GALNT13: variants seen among roughly 807,000 people sequenced by gnomAD.
GALNT13 encodes the protein UDP-GalNAc:polypeptide N-acetylgalactosaminyltransferase 13.
Under a neutral mutation model 64.2 loss-of-function variants are expected in GALNT13, and 28 were observed. That is an observed-to-expected ratio of 0.44 (90% CI 0.32 to 0.60). GALNT13 has a LOEUF of 0.60. Ranked by LOEUF, GALNT13 falls within the 20% of genes least tolerant of loss-of-function variation. The pLI is 0.05. For synonymous variants in GALNT13, 214 were observed against 224.6 expected (o/e 0.95, Z 0.42); for missense variants, 577 against 669.8 (o/e 0.86, Z 1.53).
chr2:153,135,374 C>A, the GALNT13 span, among the ~76,000 whole-genome samples: 2 of 152,072 alleles, frequency 1.3e-5, no homozygotes, highest in African/African-American at 4.8e-5. Flanking sequence ...TGCGAATGAC[C>A]AGGAATAACC....
At chr2:153,085,164 T>C in the GALNT13 span, among the ~76,000 whole-genome samples, 2 of 152,036 alleles carry the variant, frequency 1.3e-5, no homozygotes, top group African/African-American at 4.8e-5. Flanking sequence ...TGATTTAGGG[T>C]ATCTGGAGGA....
chr2:154,421,243 T>C (rs1275820951), intron 11 of GALNT13, among the ~76,000 whole-genome samples: 1 of 152,116 alleles, frequency 6.6e-6, no homozygotes, highest in African/African-American at 2.4e-5. Flanking sequence ...TTATATTCTG[T>C]ATAAGATTTT....
chr2:154,355,981 C>T (rs747280404), intron 9 of GALNT13, among the ~76,000 whole-genome samples: 3 of 151,966 alleles, frequency 2.0e-5, no homozygotes, highest in African/African-American at 4.8e-5. Context: ...GAAAAGTTGT[C>T]ATCAGGTTCT....
chr2:154,100,670 G>A (rs553229683), intron 3 of GALNT13, among the ~76,000 whole-genome samples: 6 of 152,062 alleles, frequency 3.9e-5, no homozygotes, highest in East Asian at 1.9e-4. Context: ...TTCACTTGCC[G>A]TTTTCCAATA....
At chr2:153,693,116 ACT>A in the GALNT13 span, among the ~76,000 whole-genome samples, 19 of 152,132 alleles carry the variant, frequency 1.2e-4, no homozygotes, top group Non-Finnish European at 2.1e-4. Context: ...GAAAGAAAAG[ACT>A]CTGAAGCTGG....
the GALNT13 span, among the ~76,000 whole-genome samples, chr2:153,524,756 G>A: frequency 6.6e-6 from 1 of 152,172 alleles, no homozygotes; most frequent in Non-Finnish European, 1.5e-5. Context: ...GTTCCTACAA[G>A]CCTGATCACC....
At chr2:153,925,207 T>C (rs1307272917) in intron 2 of GALNT13, among the ~76,000 whole-genome samples, 1 of 152,176 alleles carries the variant, frequency 6.6e-6, no homozygotes, top group Non-Finnish European at 1.5e-5. Context: ...ACATATTTAA[T>C]CCATCTTGAG....
the GALNT13 span, among the ~76,000 whole-genome samples, chr2:153,302,096 C>A: frequency 6.6e-6 from 1 of 151,978 alleles, no homozygotes; most frequent in African/African-American, 2.4e-5. Context: ...ATGGTAGTTA[C>A]GTTATACTTT....
chr2:153,151,265 T>G, the GALNT13 span, among the ~76,000 whole-genome samples: 1 of 151,972 alleles, frequency 6.6e-6, no homozygotes, highest in African/African-American at 2.4e-5. Context: ...GAAATGCAAA[T>G]CAAAACCACA....
the GALNT13 span, among the ~76,000 whole-genome samples, chr2:153,436,802 C>T: frequency 2.0e-5 from 3 of 151,914 alleles, no homozygotes; most frequent in Non-Finnish European, 4.4e-5. Context: ...ATTTTTTGAA[C>T]GGTTTTTCAT....
the GALNT13 span, among the ~76,000 whole-genome samples, chr2:153,660,567 T>C: frequency 6.7e-6 from 1 of 149,084 alleles, no homozygotes; most frequent in African/African-American, 2.4e-5. Context: ...TTATAATATA[T>C]AATATTATGG....
At chr2:153,981,507 G>A (rs1264596360) in intron 3 of GALNT13, among the ~76,000 whole-genome samples, 1 of 152,008 alleles carries the variant, frequency 6.6e-6, no homozygotes, top group Non-Finnish European at 1.5e-5. Flanking sequence ...TGAGAATGAT[G>A]GTTTCCAGCT....
the GALNT13 span, among the ~76,000 whole-genome samples, chr2:153,798,026 T>C: frequency 6.6e-6 from 1 of 152,188 alleles, no homozygotes. Context: ...TCAAGTTATT[T>C]CAGACCTACT....
the GALNT13 span, among the ~76,000 whole-genome samples, chr2:153,195,590 C>T: frequency 6.6e-6 from 1 of 152,280 alleles, no homozygotes; most frequent in Admixed American, 6.5e-5. Flanking sequence ...ACTGCAGGGC[C>T]CCAAAGAGGG....
At chr2:154,027,113 AT>A (rs1332246777) in intron 3 of GALNT13, among the ~76,000 whole-genome samples, 1 of 152,206 alleles carries the variant, frequency 6.6e-6, no homozygotes, top group Non-Finnish European at 1.5e-5. Context: ...AGAATATCAT[AT>A]TCTTTTTACC....
chr2:153,963,319 T>TG (rs1194776706), intron 3 of GALNT13, among the ~76,000 whole-genome samples: 13 of 152,218 alleles, frequency 8.5e-5, no homozygotes, highest in African/African-American at 2.9e-4. Context: ...TCTTTATTCT[T>TG]GCACTGGCTG....
the GALNT13 span, among the ~76,000 whole-genome samples, chr2:153,522,968 G>C: frequency 6.8e-6 from 1 of 147,618 alleles, no homozygotes; most frequent in Admixed American, 6.8e-5. Flanking sequence ...AAGGTTGACA[G>C]TTTTGTGTTT....
intron 9 of GALNT13, among the ~76,000 whole-genome samples, chr2:154,302,829 G>A (rs556725351): frequency 6.6e-6 from 1 of 152,220 alleles, no homozygotes; most frequent in African/African-American, 2.4e-5. Flanking sequence ...AGTATCATTG[G>A]TGGCCACCTT....
At chr2:153,936,337 G>T (rs1690910955) in intron 2 of GALNT13, among the ~76,000 whole-genome samples, 2 of 152,160 alleles carry the variant, frequency 1.3e-5, no homozygotes, top group Non-Finnish European at 2.9e-5. Context: ...TTATATAATG[G>T]ACTTGAGCTT....
Sources: gnomAD v4.1 joint callset for allele counts (sites outside exome capture counted in the v4.1 genomes callset) on GRCh38, gnomAD v4.1.1 for gene constraint, MANE v1.5 for transcripts, NCBI Gene and HGNC (gene_info 2026-07-23, HGNC 2026-07-21) for gene names.